The following SLC26A8 variants were observed in gnomAD, a reference collection of about 807,000 sequenced individuals.
SLC26A8 encodes testis anion transporter 1.
A neutral mutation model predicts 105.0 loss-of-function variants in SLC26A8; 70 were observed. The ratio of observed to expected loss-of-function variants is 0.67; its 90% CI spans 0.55 to 0.81. SLC26A8 has a LOEUF of 0.81. Ranked by LOEUF, SLC26A8 falls within the 40% of genes least tolerant of loss-of-function variation. The probability of loss-of-function intolerance (pLI) is 0.00; values close to 1 mark genes in which losing one functional copy is unlikely to be tolerated. For missense variants in SLC26A8, 998 were observed against 1,181.8 expected, an observed-to-expected ratio of 0.84 and a Z score of 2.28; for synonymous variants, 415 against 438.3, an observed-to-expected ratio of 0.95 and a Z score of 0.66.
chr6:35,992,390 G>A (rs769559883), intron 6 of SLC26A8, 120 bp downstream of exon 6: 6 of 977,162 alleles, frequency 6.1e-6, no homozygotes, highest in Non-Finnish European at 5.9e-6. Context: ...TCTTGACTGA[G>A]CTGCCTATAG....
At chr6:36,011,936 T>A (rs1239995833) in intron 3 of SLC26A8, among the ~76,000 whole-genome samples, 1 of 152,064 alleles carries the variant, frequency 6.6e-6, no homozygotes, top group East Asian at 1.9e-4. Flanking sequence ...GTAAAACCAA[T>A]GCCAAGTGAG....
In SLC26A8 at chr6:35,944,322, T is replaced by C. The variant is rs760627909; in HGVS notation, c.2491A>G (p.Lys831Glu). 2.5e-6 allele frequency: 4 copies of C among 1,612,240 alleles called. No homozygotes were observed. The highest frequency in any genetic ancestry group is 1.1e-5 in the South Asian group (1 of 91,040). Residue 831 changes from lysine (K) to glutamate (E), a missense_variant, in exon 20 of 20, where the codon AAA becomes GAA. By Grantham distance (56) the Lys-to-Glu change is moderately conservative. Transcript: ENST00000490799. ...ETDKNDNSRYKMSSSFLGSQK... is the reference protein window; with the variant it reads ...ETDKNDNSRYEMSSSFLGSQK... ...CTTCCTAGAAAACTGCTGCTCATTT[T>C]ATATCTTGAATTGTCATTCTGAAAT...
chr6:35,986,653 C>T (rs1773537107), intron 7 of SLC26A8, among the ~76,000 whole-genome samples: 1 of 152,124 alleles, frequency 6.6e-6, no homozygotes, highest in East Asian at 1.9e-4. Context: ...TGGGTTCATC[C>T]ATGTTGTCCC....
chr6:35,959,670 C>T (rs755392378), intron 15 of SLC26A8, 44 bp downstream of exon 15: 24 of 1,602,786 alleles, frequency 1.5e-5, no homozygotes, highest in East Asian at 2.2e-5. Flanking sequence ...ATGCCAGTGG[C>T]GGGGAGTGGG....
intron 6 of SLC26A8, among the ~76,000 whole-genome samples, 169 bp from the exon 7 acceptor site, chr6:35,991,977 C>A (rs1451080871): frequency 1.3e-5 from 2 of 151,958 alleles, no homozygotes; most frequent in Non-Finnish European, 2.9e-5. Flanking sequence ...GTGGGGGTGG[C>A]CAATTTTGTA....
intron 10 of SLC26A8, among the ~76,000 whole-genome samples, chr6:35,971,009 A>C (rs1303019807): frequency 7.2e-5 from 11 of 152,078 alleles, no homozygotes; most frequent in African/African-American, 2.7e-4. Flanking sequence ...CAGGGCAACA[A>C]GAGCAAAACT....
chr6:35,969,112 T>C, intron 10 of SLC26A8, 158 bp from the exon 11 acceptor site: 2 of 628,244 alleles, frequency 3.2e-6, no homozygotes, highest in South Asian at 3.6e-5. Flanking sequence ...TTTCAAGTCT[T>C]ATCAAAGTGC....
intron 17 of SLC26A8, 146 bp from the exon 18 acceptor site, chr6:35,951,645 C>T: frequency 1.3e-6 from 1 of 789,724 alleles, no homozygotes; most frequent in Non-Finnish European, 2.1e-6. Flanking sequence ...GTGGCATGAT[C>T]TCGGCTCACT....
At chr6:36,010,379 A>G (rs1304404024) in intron 3 of SLC26A8, among the ~76,000 whole-genome samples, 1 of 152,178 alleles carries the variant, frequency 6.6e-6, no homozygotes, top group Non-Finnish European at 1.5e-5. Context: ...GTGCTCAAAA[A>G]GACAGAATTA....
At chr6:35,975,223 TG>T in intron 10 of SLC26A8, 151 bp downstream of exon 10, 1 of 417,124 alleles carries the variant, frequency 2.4e-6, no homozygotes, top group Non-Finnish European at 4.2e-6. Context: ...AAGGCAAGCA[TG>T]GAATCCAAAT....
rs767611050 is a variant in SLC26A8 at position 35,951,167 on chromosome 6, T to C, written c.2468A>G (p.Asp823Gly). 9.3e-6 allele frequency: 15 copies of C among 1,612,858 alleles called. No homozygotes were observed. In the South Asian group the frequency reaches 1.4e-4, roughly 15 times the overall value. ...TGCTTTGTCGGTTTGTCTGACCTTGTCTGTTTCTGAGTAGGTTTCCCGTAT... is the reference window on the plus strand; with the variant it reads ...TGCTTTGTCGGTTTGTCTGACCTTGCCTGTTTCTGAGTAGGTTTCCCGTAT... Reference protein sequence around the residue: ...TVIRETYSETDKNDNSRYKMS... With the variant: ...TVIRETYSETGKNDNSRYKMS... The change falls in exon 19 of 20, where the codon GAC (aspartate) becomes GGC (glycine). Residue 823 changes from aspartate to glycine, a missense_variant. Physicochemically the swap from Asp to Gly is moderately conservative, Grantham distance 94. Coordinates refer to ENST00000490799, the MANE Select transcript of SLC26A8 (RefSeq NM_052961.4).
intron 10 of SLC26A8, 41 bp from the exon 11 acceptor site, chr6:35,968,995 G>T (rs377659667): frequency 6.3e-7 from 1 of 1,575,288 alleles, no homozygotes. Context: ...CATCAGGAAC[G>T]TATTGGTCCC....
chr6:35,956,022 C>T (rs1238659081), intron 16 of SLC26A8, among the ~76,000 whole-genome samples: 1 of 152,136 alleles, frequency 6.6e-6, no homozygotes, highest in Non-Finnish European at 1.5e-5. Context: ...AGGTGGATCC[C>T]TTGAGCTCAG....
At chr6:36,024,475 C>A (rs781305347) in intron 1 of SLC26A8, 29 bp downstream of exon 1, 1 of 448,546 alleles carries the variant, frequency 2.2e-6, no homozygotes. Flanking sequence ...CAGCCCCCGG[C>A]GCCCAGGCGT....
intron 5 of SLC26A8, among the ~76,000 whole-genome samples, chr6:35,992,924 G>A (rs1753759489): frequency 6.6e-6 from 1 of 152,120 alleles, no homozygotes; most frequent in African/African-American, 2.4e-5. Context: ...GCTCACTTAA[G>A]TTCTTGCCCT....
chr6:36,024,319 A>G (rs1157633410), intron 1 of SLC26A8, 185 bp downstream of exon 1: 1 of 381,250 alleles, frequency 2.6e-6, no homozygotes, highest in East Asian at 1.0e-4. Flanking sequence ...CTTTGAAAGT[A>G]GAGACAATAC....
chr6:35,967,561 T>C (rs1021008613), intron 11 of SLC26A8, among the ~76,000 whole-genome samples: 5 of 152,220 alleles, frequency 3.3e-5, no homozygotes. Flanking sequence ...AGAGGCATGC[T>C]GGCTGAATAC....
intron 4 of SLC26A8, among the ~76,000 whole-genome samples, chr6:35,998,752 C>T (rs181392200): frequency 6.6e-6 from 1 of 151,944 alleles, no homozygotes; most frequent in Non-Finnish European, 1.5e-5. Context: ...TCTCTAACAA[C>T]CCTTATTATA....
intron 9 of SLC26A8, among the ~76,000 whole-genome samples, chr6:35,976,457 T>C (rs981293002): frequency 3.3e-5 from 5 of 151,500 alleles, no homozygotes; most frequent in Non-Finnish European, 7.4e-5. Context: ...GGAACACCTG[T>C]TGTTTCCATA....
Sources: allele counts gnomAD v4.1 joint callset (sites outside exome capture counted in the v4.1 genomes callset), GRCh38; gene constraint gnomAD v4.1.1; transcripts MANE v1.5; gene names NCBI Gene and HGNC (gene_info 2026-07-23, HGNC 2026-07-21).